AFF2: variants seen among roughly 807,000 people sequenced by gnomAD.
AFF2 encodes ALF transcription elongation factor 2, also known as AF4/FMR2 family member 2.
A neutral mutation model predicts 76.9 loss-of-function variants in AFF2; 14 were observed. The ratio of observed to expected loss-of-function variants is 0.18; its 90% CI spans 0.12 to 0.28. The LOEUF is 0.28. Among genes scored for constraint, AFF2 ranks in the 10% least tolerant of loss-of-function variants. The pLI is 1.00. For missense variants in AFF2, 868 were observed against 1,001.1 expected, an observed-to-expected ratio of 0.87 and a Z score of 1.79; for synonymous variants, 398 against 366.7, an observed-to-expected ratio of 1.09 and a Z score of -0.98.
At chrX:148,512,637 G>A (rs1031900967) in intron 1 of AFF2, among the ~76,000 whole-genome samples, 15 of 112,315 alleles carry the variant, frequency 1.3e-4, no homozygotes, top group African/African-American at 2.6e-4. Flanking sequence ...CAACAGCTAC[G>A]CATAGTAGAA....
rs781872475 is a variant in AFF2 at position 148,779,538 on chromosome X, G to A, written c.1042-30338G>A. Reference sequence around the variant, plus strand: ...GAATCTGGGTGCTCCTGTATTGGGTGCATATATATTTAGGATAGTTAGCTC... The same window carrying A: ...GAATCTGGGTGCTCCTGTATTGGGTACATATATATTTAGGATAGTTAGCTC... On this transcript the variant is annotated intron_variant, in intron 3 of 20. Coordinates refer to ENST00000370460, the MANE Select transcript of AFF2 (RefSeq NM_002025.4). Among the ~76,000 whole-genome samples the A allele has an allele frequency of 5.4e-5, 6 of 111,047 alleles. No homozygotes were observed. The East Asian group carries it at 1.7e-3, about 31-fold the overall frequency.
intron 1 of AFF2, among the ~76,000 whole-genome samples, chrX:148,561,986 TATG>T (rs1477802130): frequency 1.8e-5 from 2 of 112,151 alleles, no homozygotes; most frequent in Non-Finnish European, 3.8e-5. Context: ...GTGGAGCTAT[TATG>T]ATTAGGATTC....
At chrX:148,801,195 A>G (rs1265198432) in intron 3 of AFF2, among the ~76,000 whole-genome samples, 2 of 111,999 alleles carry the variant, frequency 1.8e-5, no homozygotes, top group African/African-American at 6.5e-5. Flanking sequence ...ACTGTGAACT[A>G]TGGTTAATTA....
chrX:148,909,275 T>C (rs782505905), intron 9 of AFF2, among the ~76,000 whole-genome samples: 192 of 112,172 alleles, frequency 1.7e-3, no homozygotes, highest in African/African-American at 5.5e-3. Context: ...AGAACACATA[T>C]CTAGGGCATA....
chrX:148,554,367 A>G (rs1248880553), intron 1 of AFF2, among the ~76,000 whole-genome samples: 4 of 111,402 alleles, frequency 3.6e-5, no homozygotes, highest in Admixed American at 1.9e-4. Context: ...AATATTTATT[A>G]TCATGGGGAG....
intron 3 of AFF2, among the ~76,000 whole-genome samples, chrX:148,697,341 A>G (rs964261719): frequency 8.9e-6 from 1 of 112,508 alleles, no homozygotes; most frequent in African/African-American, 3.2e-5. Flanking sequence ...TTGATGGCCA[A>G]CTGAGGGTTA....
chrX:148,571,979 ACACAT>A (rs1485461954), intron 1 of AFF2, among the ~76,000 whole-genome samples: 1 of 110,758 alleles, frequency 9.0e-6, no homozygotes, highest in African/African-American at 3.3e-5. Flanking sequence ...AAGTGAAAAG[ACACAT>A]CACAGAATGA....
In AFF2 at chrX:148,936,953, A is replaced by C. The variant is rs1395572544; in HGVS notation, c.1398-16627A>C. On this transcript the variant is annotated intron_variant, in intron 9 of 20. Coordinates refer to ENST00000370460, the MANE Select transcript of AFF2 (RefSeq NM_002025.4). ...CGGCAGGGCTGAAATACTCAGGTTA[A>C]TATGTGACATTACTCAGAGGCTCAG... Among the ~76,000 whole-genome samples the C allele has an allele frequency of 3.6e-5, 4 of 112,161 alleles. No homozygotes were observed. In the East Asian group the frequency reaches 1.1e-3, roughly 32 times the overall value.
intron 8 of AFF2, among the ~76,000 whole-genome samples, chrX:148,887,401 C>A (rs2071172113): frequency 8.9e-6 from 1 of 112,409 alleles, no homozygotes; most frequent in Non-Finnish European, 1.9e-5. Flanking sequence ...TGAAAACATT[C>A]TAGATCATTG....
intron 1 of AFF2, among the ~76,000 whole-genome samples, chrX:148,607,395 G>T (rs1195880271): frequency 3.6e-5 from 4 of 110,615 alleles, no homozygotes; most frequent in Non-Finnish European, 3.8e-5. Flanking sequence ...TGCTGTTTTC[G>T]TGATAGTGAA....
chrX:148,615,745 T>C (rs1431085976), intron 1 of AFF2, among the ~76,000 whole-genome samples: 1 of 111,558 alleles, frequency 9.0e-6, no homozygotes, highest in East Asian at 2.9e-4. Flanking sequence ...AATTTCTGCA[T>C]TCTATGTATG....
chrX:148,559,309 T>C (rs781879476), intron 1 of AFF2, among the ~76,000 whole-genome samples: 25 of 111,599 alleles, frequency 2.2e-4, no homozygotes, highest in Non-Finnish European at 3.8e-5. Context: ...CTGGGATACA[T>C]GTGGAGAACG....
intron 1 of AFF2, among the ~76,000 whole-genome samples, chrX:148,644,640 T>C (rs1289752843): frequency 8.9e-6 from 1 of 112,437 alleles, no homozygotes; most frequent in Non-Finnish European, 1.9e-5. Flanking sequence ...ATACCAGCAA[T>C]GTATGTTTCT....
At chrX:148,591,997 T>G (rs974254787) in intron 1 of AFF2, among the ~76,000 whole-genome samples, 1 of 112,099 alleles carries the variant, frequency 8.9e-6, no homozygotes, top group African/African-American at 3.3e-5. Context: ...GTGTCATGGC[T>G]GATGGAGCCT....
intron 19 of AFF2, among the ~76,000 whole-genome samples, chrX:148,984,097 A>T (rs1173975171): frequency 9.1e-6 from 1 of 110,313 alleles, no homozygotes; most frequent in Non-Finnish European, 1.9e-5. Context: ...TGCTGAGGAT[A>T]GGGGAGGGAG....
chrX:148,648,561 C>CAAAAAAAAAAAAAAAAAAAAAAAGAAAA (rs2054169322), intron 1 of AFF2, among the ~76,000 whole-genome samples: 1 of 23,057 alleles, frequency 4.3e-5, no homozygotes, highest in African/African-American at 1.4e-4. Flanking sequence ...AAAACTCCGT[C>CAAAAAAAAAAAAAAAAAAAAAAAGAAAA]AAAAAAAAAA....
chrX:148,898,561 C>T lies in AFF2; in HGVS notation c.1360-5660C>T, dbSNP rs1015662542. ...TCCAGAAAGTGGGATGGGAAATTCACCCTGTGAATGCTGCTCCAGACTCCC... is the reference window on the plus strand; with the variant it reads ...TCCAGAAAGTGGGATGGGAAATTCATCCTGTGAATGCTGCTCCAGACTCCC... On this transcript the variant is annotated intron_variant, in intron 8 of 20. Coordinates refer to ENST00000370460, the MANE Select transcript of AFF2 (RefSeq NM_002025.4). Among the ~76,000 whole-genome samples the T allele has an allele frequency of 7.2e-5, 8 of 111,812 alleles. No individual in the cohort carries two copies. In the Admixed American group the frequency reaches 7.6e-4, roughly 11 times the overall value.
intron 3 of AFF2, among the ~76,000 whole-genome samples, chrX:148,689,600 C>T (rs969436612): frequency 1.8e-5 from 2 of 111,072 alleles, no homozygotes; most frequent in African/African-American, 6.6e-5. Flanking sequence ...GCTTAAGGAG[C>T]AATGATGATA....
intron 7 of AFF2, among the ~76,000 whole-genome samples, chrX:148,879,892 C>T (rs1430854388): frequency 1.8e-5 from 2 of 111,976 alleles, no homozygotes; most frequent in African/African-American, 6.5e-5. Context: ...AAGGGAACTC[C>T]TAGTTCTCAC....
Sources: gnomAD v4.1 joint callset for allele counts (sites outside exome capture counted in the v4.1 genomes callset) on GRCh38, gnomAD v4.1.1 for gene constraint, MANE v1.5 for transcripts, NCBI Gene and HGNC (gene_info 2026-07-23, HGNC 2026-07-21) for gene names.